NDFIP2: variants seen among roughly 807,000 people sequenced by gnomAD.
NDFIP2 encodes the protein NEDD4 family-interacting protein 2.
Under a neutral mutation model 36.0 loss-of-function variants are expected in NDFIP2, and 19 were observed. That is an observed-to-expected ratio of 0.53 (90% confidence interval 0.37 to 0.77). NDFIP2 has a LOEUF of 0.77. Ranked by LOEUF, NDFIP2 falls within the 30% of genes least tolerant of loss-of-function variation. The pLI is 0.00. For synonymous variants in NDFIP2, 181 were observed against 167.7 expected, an observed-to-expected ratio of 1.08 and a Z score of -0.61; for missense variants, 446 against 435.8, an observed-to-expected ratio of 1.02 and a Z score of -0.21.
chr13:79,542,487 GT>G (rs1312653815), intron 4 of NDFIP2, among the ~76,000 whole-genome samples: 1 of 148,534 alleles, frequency 6.7e-6, no homozygotes, highest in Admixed American at 6.6e-5. Context: ...GGTGTTGATG[GT>G]TTTTTTGTGT....
intron 1 of NDFIP2, among the ~76,000 whole-genome samples, chr13:79,493,585 A>T (rs918507870): frequency 1.3e-5 from 2 of 152,208 alleles, no homozygotes; most frequent in Non-Finnish European, 2.9e-5. Context: ...CTCATTTTAC[A>T]GAAGACTATC....
chr13:79,506,562 G>GT (rs1339058555), intron 1 of NDFIP2, among the ~76,000 whole-genome samples: 4 of 152,032 alleles, frequency 2.6e-5, no homozygotes, highest in Non-Finnish European at 4.4e-5. Flanking sequence ...TAGTTCCCTA[G>GT]GGTATAGTTT....
At chr13:79,513,350 A>T (rs764210391) in intron 1 of NDFIP2, among the ~76,000 whole-genome samples, 11 of 152,230 alleles carry the variant, frequency 7.2e-5, no homozygotes, top group Non-Finnish European at 1.5e-4. Context: ...GCCTTAATGA[A>T]ATCAAGATAT....
intron 5 of NDFIP2, 144 bp from the exon 6 acceptor site, chr13:79,548,184 C>A: frequency 3.0e-6 from 2 of 662,884 alleles, no homozygotes; most frequent in Non-Finnish European, 2.6e-6. Flanking sequence ...GCTGTGTATG[C>A]CATTAAGTGT....
At chr13:79,487,053 C>A (rs1384949188) in intron 1 of NDFIP2, among the ~76,000 whole-genome samples, 2 of 152,188 alleles carry the variant, frequency 1.3e-5, no homozygotes, top group Non-Finnish European at 2.9e-5. Flanking sequence ...CAAATAACAT[C>A]ACTCTGGCGA....
At chr13:79,481,572 C>T in intron 1 of NDFIP2, 48 bp downstream of exon 1, 2 of 1,506,976 alleles carry the variant, frequency 1.3e-6, no homozygotes, top group Non-Finnish European at 1.8e-6. Flanking sequence ...CCCGCCGCGG[C>T]GTCCCGAGAG....
intron 1 of NDFIP2, among the ~76,000 whole-genome samples, chr13:79,491,342 C>T (rs1873218779): frequency 1.3e-5 from 2 of 152,132 alleles, no homozygotes; most frequent in South Asian, 4.1e-4. Context: ...GAGACCTGGG[C>T]TCTTTAAGGT....
intron 1 of NDFIP2, among the ~76,000 whole-genome samples, chr13:79,496,790 T>G (rs1873449800): frequency 6.6e-6 from 1 of 152,020 alleles, no homozygotes; most frequent in African/African-American, 2.4e-5. Context: ...ACCATTTCTT[T>G]CCTCTTAATT....
chr13:79,541,515 A>G (rs1045182218), intron 4 of NDFIP2, among the ~76,000 whole-genome samples: 1 of 151,892 alleles, frequency 6.6e-6, no homozygotes, highest in African/African-American at 2.4e-5. Context: ...TATTGTACCA[A>G]CATTATAACA....
chr13:79,509,577 G>C (rs1873995970), intron 1 of NDFIP2, among the ~76,000 whole-genome samples: 1 of 152,052 alleles, frequency 6.6e-6, no homozygotes, highest in Non-Finnish European at 1.5e-5. Context: ...ATCATGGCCT[G>C]AATTAGTTTT....
At chr13:79,493,603 GGTTCT>G (rs1268386986) in intron 1 of NDFIP2, among the ~76,000 whole-genome samples, 9 of 151,988 alleles carry the variant, frequency 5.9e-5, no homozygotes, top group Admixed American at 5.2e-4. Flanking sequence ...ATCCGAGGGA[GGTTCT>G]GTTCAAGGTT....
intron 1 of NDFIP2, among the ~76,000 whole-genome samples, chr13:79,486,878 A>AG (rs1343690796): frequency 6.6e-6 from 1 of 152,208 alleles, no homozygotes; most frequent in Non-Finnish European, 1.5e-5. Flanking sequence ...TTTGTAGTCT[A>AG]GGAGCAATAG....
chr13:79,496,384 A>T (rs947543569), intron 1 of NDFIP2, among the ~76,000 whole-genome samples: 1 of 151,830 alleles, frequency 6.6e-6, no homozygotes, highest in Non-Finnish European at 1.5e-5. Context: ...TTTCCTCCTG[A>T]CCACCATGGT....
At chr13:79,492,914 A>G (rs1873298310) in intron 1 of NDFIP2, among the ~76,000 whole-genome samples, 1 of 152,062 alleles carries the variant, frequency 6.6e-6, no homozygotes, top group African/African-American at 2.4e-5. Flanking sequence ...TCCAGGACTA[A>G]TTTCAATTGT....
At chr13:79,522,328 T>A (rs2137088196) in intron 2 of NDFIP2, among the ~76,000 whole-genome samples, 1 of 152,304 alleles carries the variant, frequency 6.6e-6, no homozygotes, top group Middle Eastern at 3.4e-3. Flanking sequence ...ATAATAAGAC[T>A]TTGCTACCTT....
intron 1 of NDFIP2, among the ~76,000 whole-genome samples, chr13:79,509,723 A>G (rs1411009717): frequency 6.6e-6 from 1 of 151,278 alleles, no homozygotes; most frequent in Non-Finnish European, 1.5e-5. Flanking sequence ...ATTAACTCAC[A>G]CGATCACAAG....
chr13:79,512,854 C>G (rs1247165880), intron 1 of NDFIP2, among the ~76,000 whole-genome samples: 2 of 152,056 alleles, frequency 1.3e-5, no homozygotes, highest in Non-Finnish European at 2.9e-5. Flanking sequence ...CAGAGTAGGC[C>G]CAGTTTGGGC....
intron 2 of NDFIP2, among the ~76,000 whole-genome samples, chr13:79,521,551 C>G (rs1159287168): frequency 2.0e-5 from 3 of 152,048 alleles, no homozygotes; most frequent in Non-Finnish European, 4.4e-5. Flanking sequence ...GAAACATTTT[C>G]ATTTTAAAAA....
In NDFIP2 at chr13:79,552,852, C is replaced by G. The variant is rs1245880478; in HGVS notation, c.*339C>G. ...TGAAAGAGTTGAGTGGATAAACAGTCTTCCAGCTTGTAAATGCCATTGACT... is the reference window on the plus strand; with the variant it reads ...TGAAAGAGTTGAGTGGATAAACAGTGTTCCAGCTTGTAAATGCCATTGACT... On this transcript the variant is annotated 3_prime_UTR_variant, in exon 8 of 8. Coordinates refer to ENST00000218652, the MANE Select transcript of NDFIP2 (RefSeq NM_019080.3). 6.6e-6 allele frequency: 1 copy of G among 151,854 alleles called. No homozygotes were observed. Among genetic ancestry groups the G allele is most frequent in the Non-Finnish European group, 1.5e-5 (1 of 67,484 alleles). 9.4% of individuals were successfully genotyped at this position (151,854 alleles called of 1,614,324 possible).
Sources: allele counts gnomAD v4.1 joint callset (sites outside exome capture counted in the v4.1 genomes callset), GRCh38; gene constraint gnomAD v4.1.1; transcripts MANE v1.5; gene names NCBI Gene and HGNC (gene_info 2026-07-23, HGNC 2026-07-21).